ATM: variants seen among roughly 807,000 people sequenced by gnomAD.
ATM encodes ATM serine/threonine kinase, also known as serine-protein kinase ATM.
Under a neutral mutation model 387.0 loss-of-function variants are expected in ATM, and 308 were observed. The ratio of observed to expected loss-of-function variants is 0.80; its 90% CI spans 0.73 to 0.87. The LOEUF (loss-of-function observed/expected upper bound fraction) is 0.87, where lower values mean the gene tolerates loss of function less well. Ranked by LOEUF, ATM falls within the 40% of genes least tolerant of loss-of-function variation. The probability of loss-of-function intolerance (pLI) is 0.00; values close to 1 mark genes in which losing one functional copy is unlikely to be tolerated. For synonymous variants in ATM, 1,156 were observed against 1,187.3 expected, an observed-to-expected ratio of 0.97 and a Z score of 0.54; for missense variants, 3,312 against 3,560.9, an observed-to-expected ratio of 0.93 and a Z score of 1.78.
chr11:108,329,007 G>T lies in ATM; in HGVS notation c.7090-14G>T, dbSNP rs1486032156. 6.2e-7 allele frequency: 1 copy of T among 1,605,662 alleles called. No individual in the cohort carries two copies. The highest frequency in any genetic ancestry group is 8.5e-7 in the Non-Finnish European group (1 of 1,172,542). ...TTTGTAAATATAATTTAAATTGGTT[G>T]TGTTTTCTTGAAGGCAGTAGAAGTT... On this transcript the variant is annotated splice_polypyrimidine_tract_variant and intron_variant, in intron 48 of 62. Transcript: ENST00000675843.
chr11:108,324,657 T>C (rs1254520447), intron 45 of ATM, among the ~76,000 whole-genome samples: 3 of 152,212 alleles, frequency 2.0e-5, no homozygotes, highest in Non-Finnish European at 4.4e-5. Flanking sequence ...GTCATCACTT[T>C]GTCATCTTAC....
intron 43 of ATM, among the ~76,000 whole-genome samples, chr11:108,318,285 A>T (rs1380599910): frequency 1.3e-5 from 2 of 151,834 alleles, no homozygotes; most frequent in East Asian, 3.9e-4. Context: ...TTGCTAGAAC[A>T]CGGGAGACGG....
rs1326705822 is a variant in ATM at position 108,309,644 on chromosome 11, A to T, written c.5763-516A>T. ...CTATCTATGGTCCCTTTCAATCTTG[A>T]CCTACCTATTAACACAGTGGAAGAT... On this transcript the variant is annotated intron_variant, in intron 38 of 62. Transcript: ENST00000675843. Among the ~76,000 whole-genome samples the T allele has an allele frequency of 2.0e-5, 3 of 152,202 alleles. No homozygotes were observed. In the East Asian group the frequency reaches 5.8e-4, roughly 29 times the overall value.
At chr11:108,299,981 G>A in intron 34 of ATM, 96 bp downstream of exon 34, 1 of 1,241,014 alleles carries the variant, frequency 8.1e-7, no homozygotes, top group African/African-American at 1.5e-5. Flanking sequence ...CTAAAGCTTT[G>A]TCCTTTTTTA....
chr11:108,319,420 T>C (rs2085027141), intron 43 of ATM, among the ~76,000 whole-genome samples: 1 of 152,124 alleles, frequency 6.6e-6, no homozygotes, highest in African/African-American at 2.4e-5. Context: ...CTTCTCCTTT[T>C]CCCCCAGTTA....
At position 108,341,572 on chromosome 11, in the gene ATM, A is replaced by G. The variant is rs149956049; in HGVS notation, c.8269-1650A>G. On this transcript the variant is annotated intron_variant, in intron 56 of 62. Coordinates refer to ENST00000675843, the MANE Select transcript of ATM (RefSeq NM_000051.4). ...TAATCAAATGCTTCCTTAAGACACA[A>G]AACAGTTCAACATATGTGAGAAACT... Among the ~76,000 whole-genome samples the G allele has an allele frequency of 3.9e-3, 595 of 152,318 alleles. 1 individual carries two copies. Among genetic ancestry groups the G allele is most frequent in the African/African-American group, 0.013 (560 of 41,568 alleles).
At chr11:108,357,070 G>A (rs946866641) in intron 61 of ATM, among the ~76,000 whole-genome samples, 4 of 152,238 alleles carry the variant, frequency 2.6e-5, no homozygotes, top group Admixed American at 1.3e-4. Flanking sequence ...GACAGTGGGC[G>A]CAGGTCAGTG....
chr11:108,284,880 A>G (rs905449811), intron 26 of ATM, among the ~76,000 whole-genome samples: 4 of 152,116 alleles, frequency 2.6e-5, no homozygotes, highest in Non-Finnish European at 5.9e-5. Flanking sequence ...CCTCATTCCT[A>G]TAGTTCTCAT....
intron 54 of ATM, 149 bp downstream of exon 54, chr11:108,334,117 T>A: frequency 1.5e-6 from 1 of 663,454 alleles, no homozygotes; most frequent in Non-Finnish European, 2.6e-6. Flanking sequence ...GTATTATATT[T>A]CCTTTGCCCA....
intron 16 of ATM, among the ~76,000 whole-genome samples, chr11:108,265,482 T>G (rs1479014870): frequency 6.6e-6 from 1 of 152,038 alleles, no homozygotes; most frequent in Non-Finnish European, 1.5e-5. Context: ...AAAAATCAAT[T>G]CAAGATGGAT....
At chr11:108,300,565 G>A (rs778665870) in intron 34 of ATM, among the ~76,000 whole-genome samples, 1 of 152,000 alleles carries the variant, frequency 6.6e-6, no homozygotes, top group Non-Finnish European at 1.5e-5. Context: ...ATTTTTTTCT[G>A]TACTTCCCTT....
intron 1 of ATM, chr11:108,227,390 T>G: frequency 2.0e-6 from 1 of 490,818 alleles, no homozygotes; most frequent in African/African-American, 1.9e-5. Flanking sequence ...CTTGTATAGA[T>G]TTTAAGAAAA....
chr11:108,289,550 G>A (rs2135757963), intron 28 of ATM, 52 bp from the exon 29 acceptor site: 2 of 1,341,228 alleles, frequency 1.5e-6, no homozygotes, highest in Non-Finnish European at 2.1e-6. Context: ...TGTATTTATT[G>A]TAGCCGAGTA....
intron 32 of ATM, among the ~76,000 whole-genome samples, chr11:108,296,708 AT>A (rs2083140991): frequency 1.3e-5 from 2 of 152,312 alleles, no homozygotes; most frequent in African/African-American, 4.8e-5. Flanking sequence ...GTTCTTGAGT[AT>A]TTTATGGGCT....
intron 20 of ATM, 152 bp downstream of exon 20, chr11:108,271,558 G>C (rs2081586332): frequency 9.9e-7 from 1 of 1,013,246 alleles, no homozygotes; most frequent in Non-Finnish European, 1.5e-6. Flanking sequence ...GTTTCCCTCA[G>C]TCGCTTGAAG....
At chr11:108,275,282 A>G (rs779759413) in intron 22 of ATM, among the ~76,000 whole-genome samples, 23 of 152,170 alleles carry the variant, frequency 1.5e-4, no homozygotes, top group Non-Finnish European at 2.9e-4. Context: ...TCCCCTGAAT[A>G]CAGCACACTG....
intron 16 of ATM, among the ~76,000 whole-genome samples, chr11:108,263,453 A>G (rs1392526344): frequency 7.0e-6 from 1 of 143,252 alleles, no homozygotes; most frequent in East Asian, 2.0e-4. Context: ...CAAAGACACA[A>G]CATACCAGAA....
intron 43 of ATM, 61 bp from the exon 44 acceptor site, chr11:108,319,893 A>G: frequency 4.2e-6 from 5 of 1,185,356 alleles, no homozygotes; most frequent in Non-Finnish European, 6.3e-6. Flanking sequence ...GAAGCTATTT[A>G]TACATGTATA....
chr11:108,244,094 T>C lies in ATM; in HGVS notation c.638T>C (p.Phe213Ser), dbSNP rs1301892263. Residue 213 changes from phenylalanine to serine, a missense_variant, in exon 6 of 63, where the codon TTT (phenylalanine) becomes TCT (serine). Physicochemically the swap from Phe to Ser is radical, Grantham distance 155 (BLOSUM62 -2). Transcript: ENST00000675843. ...DGLNSKFLDF[F>S]SKAIQCARQE... is the part of the protein sequence containing the mutation. Reference sequence around the variant, plus strand: ...TTAAATTCCAAATTTTTGGACTTTTTTTCCAAGGCTATTCAGTGTGCGAGG... The same window carrying C: ...TTAAATTCCAAATTTTTGGACTTTTCTTCCAAGGCTATTCAGTGTGCGAGG... The C allele has an allele frequency of 6.2e-7, 1 of 1,613,908 alleles. No individual in the cohort carries two copies. The highest frequency in any genetic ancestry group is 1.1e-5 in the South Asian group (1 of 91,086).
Sources: gnomAD v4.1 joint callset for allele counts (sites outside exome capture counted in the v4.1 genomes callset) on GRCh38, gnomAD v4.1.1 for gene constraint, MANE v1.5 for transcripts, NCBI Gene and HGNC (gene_info 2026-07-23, HGNC 2026-07-21) for gene names.